RAB38: variants seen among roughly 807,000 people sequenced by gnomAD.
RAB38 encodes the protein RAB38, member RAS oncogene family, also known as ras-related protein Rab-38.
A neutral mutation model predicts 18.4 loss-of-function variants in RAB38; 15 were observed. That is an observed-to-expected ratio of 0.82 (90% CI 0.55 to 1.26). The LOEUF (loss-of-function observed/expected upper bound fraction) is 1.26, where lower values mean the gene tolerates loss of function less well. Ranked by LOEUF, RAB38 falls within the 50% of genes most tolerant of loss-of-function variation. The pLI is 0.00. For missense variants in RAB38, 294 were observed against 267.4 expected (o/e 1.10, Z -0.69); for synonymous variants, 101 against 104.4 (o/e 0.97, Z 0.20).
the RAB38 span, among the ~76,000 whole-genome samples, chr11:88,083,567 G>A: frequency 1.4e-4 from 22 of 151,962 alleles, no homozygotes; most frequent in Middle Eastern, 6.8e-3. Context: ...TTGGTGCCAT[G>A]GTTTGAATGT....
the RAB38 span, among the ~76,000 whole-genome samples, chr11:88,042,399 T>C: frequency 3.8e-3 from 580 of 152,310 alleles, 2 homozygotes; most frequent in African/African-American, 0.013. Flanking sequence ...CCTGAGGTAA[T>C]TCCTGAGGGC....
the RAB38 span, among the ~76,000 whole-genome samples, chr11:87,852,289 G>A: frequency 3.3e-5 from 5 of 152,122 alleles, no homozygotes; most frequent in African/African-American, 4.8e-5. Flanking sequence ...GGATCTTTCT[G>A]CTTCGGCTGC....
chr11:87,909,893 A>C, the RAB38 span, among the ~76,000 whole-genome samples: 1 of 152,250 alleles, frequency 6.6e-6, no homozygotes, highest in African/African-American at 2.4e-5. Context: ...ATCTTTATAT[A>C]AACATATGCA....
the RAB38 span, among the ~76,000 whole-genome samples, chr11:87,885,793 T>C: frequency 1.3e-5 from 2 of 151,962 alleles, no homozygotes; most frequent in Admixed American, 1.3e-4. Flanking sequence ...GCCTCTAGCA[T>C]GGGAATTTTT....
chr11:87,945,654 G>C, the RAB38 span, among the ~76,000 whole-genome samples: 1 of 152,230 alleles, frequency 6.6e-6, no homozygotes. Context: ...TAGGATGTCA[G>C]AGCTTAAAAT....
chr11:87,821,049 G>T, the RAB38 span, among the ~76,000 whole-genome samples: 2 of 152,152 alleles, frequency 1.3e-5, no homozygotes, highest in Non-Finnish European at 1.5e-5. Context: ...AGGAGAAAAG[G>T]GAGGAACAGA....
At position 88,175,277 on chromosome 11, in the gene RAB38, C is replaced by G; in HGVS notation, c.108G>C (p.Ser36=). ...CCACGCCGATTGTGGCCCGGTAGTGCGAAGAGAAGTTCTGGTGCACGTAGC... is the reference window on the plus strand; with the variant it reads ...CCACGCCGATTGTGGCCCGGTAGTGGGAAGAGAAGTTCTGGTGCACGTAGC... ...IKRYVHQNFS[S]HYRATIGVDF... The change falls in exon 1 of 3, where the codon TCG becomes TCC. Residue 36 remains serine (S), a synonymous_variant. Transcript: ENST00000243662. The G allele has an allele frequency of 6.2e-7, 1 of 1,614,156 alleles. No homozygotes were observed. The highest frequency in any genetic ancestry group is 8.5e-7 in the Non-Finnish European group (1 of 1,180,010).
the RAB38 span, among the ~76,000 whole-genome samples, chr11:88,004,514 CA>C: frequency 1.3e-5 from 2 of 151,142 alleles, no homozygotes. Flanking sequence ...CTACAAGAAA[CA>C]TTACACTTAT....
chr11:88,093,999 A>G, the RAB38 span, among the ~76,000 whole-genome samples: 2 of 150,864 alleles, frequency 1.3e-5, no homozygotes, highest in Non-Finnish European at 3.0e-5. Context: ...CATTGCTTCC[A>G]TGGCTAGTGG....
the RAB38 span, among the ~76,000 whole-genome samples, chr11:87,902,880 T>C: frequency 6.6e-6 from 1 of 150,566 alleles, no homozygotes; most frequent in South Asian, 2.1e-4. Flanking sequence ...TATATATGTA[T>C]GTGCATATAT....
At chr11:87,925,077 T>C in the RAB38 span, among the ~76,000 whole-genome samples, 1 of 152,016 alleles carries the variant, frequency 6.6e-6, no homozygotes, top group African/African-American at 2.4e-5. Flanking sequence ...GGCCTGTGGC[T>C]AGTAGAAGCT....
At chr11:88,023,571 A>C in the RAB38 span, among the ~76,000 whole-genome samples, 1 of 152,126 alleles carries the variant, frequency 6.6e-6, no homozygotes, top group Non-Finnish European at 1.5e-5. Context: ...ATAGAATCAC[A>C]AAAGGACCAG....
the RAB38 span, among the ~76,000 whole-genome samples, chr11:87,953,054 A>AAC: frequency 6.7e-6 from 1 of 149,378 alleles, no homozygotes; most frequent in Non-Finnish European, 1.5e-5. Context: ...TCATTATGTA[A>AAC]ATATGTCATT....
chr11:88,019,774 C>A, the RAB38 span, among the ~76,000 whole-genome samples: 62 of 152,206 alleles, frequency 4.1e-4, no homozygotes, highest in African/African-American at 1.3e-3. Flanking sequence ...CTCATTTTCA[C>A]TTCATTCAGT....
chr11:88,042,062 C>T, the RAB38 span, among the ~76,000 whole-genome samples: 1 of 152,218 alleles, frequency 6.6e-6, no homozygotes, highest in East Asian at 1.9e-4. Flanking sequence ...GATTTCTTCA[C>T]ACAAATTCTA....
rs1478790841 is a variant in RAB38 at position 88,163,185 on chromosome 11, A to G, written c.202+11998T>C. Among the ~76,000 whole-genome samples, 3 of 152,092 alleles carry G rather than the reference A, an allele frequency of 2.0e-5. No homozygotes were observed. The East Asian group carries it at 5.8e-4, about 29-fold the overall frequency. ...GAGTCCAGTGTAGAATTACTCAATT[A>G]CTATATTCGGTGTCTCCATAACACA... On this transcript the variant is annotated intron_variant, in intron 1 of 2. Transcript: ENST00000243662.
chr11:87,823,201 A>T, the RAB38 span, among the ~76,000 whole-genome samples: 1 of 152,192 alleles, frequency 6.6e-6, no homozygotes, highest in Non-Finnish European at 1.5e-5. Context: ...CATGTGAAAG[A>T]TTTACAAAAT....
chr11:88,131,690 C>A (rs146128090), intron 2 of RAB38, among the ~76,000 whole-genome samples: 1 of 152,282 alleles, frequency 6.6e-6, no homozygotes, highest in East Asian at 1.9e-4. Flanking sequence ...ATACTTAATC[C>A]TGCCCAGAAA....
At chr11:87,873,240 A>G in the RAB38 span, among the ~76,000 whole-genome samples, 1 of 151,588 alleles carries the variant, frequency 6.6e-6, no homozygotes, top group Non-Finnish European at 1.5e-5. Flanking sequence ...TGTTATCTGT[A>G]TATCTTCTTT....
Sources: allele counts gnomAD v4.1 joint callset (sites outside exome capture counted in the v4.1 genomes callset), GRCh38; gene constraint gnomAD v4.1.1; transcripts MANE v1.5; gene names NCBI Gene and HGNC (gene_info 2026-07-23, HGNC 2026-07-21).